Variants in ANKS1B observed in about 807,000 individuals in gnomAD.
ANKS1B encodes the protein ankyrin repeat and sterile alpha motif domain-containing protein 1B.
A neutral mutation model predicts 148.3 loss-of-function variants in ANKS1B; 36 were observed. The ratio of observed to expected loss-of-function variants is 0.24; its 90% CI spans 0.19 to 0.32. The LOEUF (loss-of-function observed/expected upper bound fraction) is 0.32, where lower values mean the gene tolerates loss of function less well. ANKS1B is among the 10% of genes least tolerant of loss of function. The pLI is 1.00. For synonymous variants in ANKS1B, 542 were observed against 560.8 expected (o/e 0.97, Z 0.47); for missense variants, 1,157 against 1,542.6 (o/e 0.75, Z 4.19).
At chr12:99,425,536 A>T (rs865849542) in intron 11 of ANKS1B, among the ~76,000 whole-genome samples, 1 of 152,102 alleles carries the variant, frequency 6.6e-6, no homozygotes, top group African/African-American at 2.4e-5. Flanking sequence ...CCATTGTTCT[A>T]CAAGACTATC....
intron 14 of ANKS1B, among the ~76,000 whole-genome samples, chr12:99,173,959 G>A (rs894319607): frequency 4.6e-5 from 7 of 152,112 alleles, no homozygotes; most frequent in African/African-American, 1.7e-4. Flanking sequence ...AAGGCTTTGT[G>A]CAAGTCCCTC....
rs180706104 is a variant in ANKS1B at position 99,825,201 on chromosome 12, T to C, written c.215+108A>G. The C allele has an allele frequency of 6.7e-4, 603 of 897,746 alleles. 3 individuals carry two copies. Among genetic ancestry groups the C allele is most frequent in the African/African-American group, 4.9e-3 (297 of 60,138 alleles). 55.6% of individuals were successfully genotyped at this position (897,746 alleles called of 1,614,324 possible). A position where few individuals can be genotyped will look rare whatever the true frequency, so the allele number is the denominator to read the frequency against. ...CACCTGGTCCCTTTCCAAATTCACCTAAGCCCATTGGACTCACAGAGACAT... is the reference window on the plus strand; with the variant it reads ...CACCTGGTCCCTTTCCAAATTCACCCAAGCCCATTGGACTCACAGAGACAT... On this transcript the variant is annotated intron_variant, in intron 2 of 26. Coordinates refer to ENST00000683438, the MANE Select transcript of ANKS1B (RefSeq NM_001352186.2).
At chr12:99,685,949 G>C (rs1044634346) in intron 8 of ANKS1B, among the ~76,000 whole-genome samples, 1 of 151,992 alleles carries the variant, frequency 6.6e-6, no homozygotes, top group Non-Finnish European at 1.5e-5. Flanking sequence ...AAAGGCATAA[G>C]AATGATACAA....
chr12:99,685,747 CAT>C (rs149096040), intron 8 of ANKS1B, among the ~76,000 whole-genome samples: 16 of 150,472 alleles, frequency 1.1e-4, no homozygotes, highest in Admixed American at 3.3e-4. Flanking sequence ...TGTGTGTATA[CAT>C]ATATATATAT....
intron 12 of ANKS1B, among the ~76,000 whole-genome samples, chr12:99,261,311 C>G (rs561266010): frequency 6.6e-6 from 1 of 152,142 alleles, no homozygotes; most frequent in Non-Finnish European, 1.5e-5. Flanking sequence ...TCCCAAGGTA[C>G]CACACTCTTC....
chr12:99,022,339 A>G (rs2099946278), intron 17 of ANKS1B, among the ~76,000 whole-genome samples: 1 of 152,220 alleles, frequency 6.6e-6, no homozygotes, highest in South Asian at 2.1e-4. Context: ...AAGGCTGCAC[A>G]ACAGAGAACT....
In ANKS1B at chr12:99,154,438, C is replaced by T. The variant is rs371413659; in HGVS notation, c.2420-43G>A. On this transcript the variant is annotated intron_variant, in intron 14 of 26. Transcript: ENST00000683438. ...GGGAAGCGTTTAAGCAGGGAGTAGCCGTCCACGGGGTAATAGCGGTAGTCC... is the reference window on the plus strand; with the variant it reads ...GGGAAGCGTTTAAGCAGGGAGTAGCTGTCCACGGGGTAATAGCGGTAGTCC... 4.0e-4 allele frequency: 646 copies of T among 1,613,476 alleles called. 1 individual carries two copies. The highest frequency in any genetic ancestry group is 5.3e-4 in the Non-Finnish European group (621 of 1,179,728).
At chr12:99,701,576 A>T (rs1227989542) in intron 8 of ANKS1B, among the ~76,000 whole-genome samples, 1 of 152,138 alleles carries the variant, frequency 6.6e-6, no homozygotes, top group East Asian at 1.9e-4. Context: ...ACAAATGTAC[A>T]ACATATTATT....
intron 9 of ANKS1B, among the ~76,000 whole-genome samples, chr12:98,736,693 T>A (rs1226729130): frequency 6.6e-6 from 1 of 152,126 alleles, no homozygotes; most frequent in Non-Finnish European, 1.5e-5. Flanking sequence ...TCCAGGGCAG[T>A]CTGGAGATCA....
intron 12 of ANKS1B, among the ~76,000 whole-genome samples, chr12:99,269,672 C>T (rs2076826782): frequency 6.6e-6 from 1 of 152,184 alleles, no homozygotes; most frequent in South Asian, 2.1e-4. Context: ...CATTCTCCTG[C>T]CTCAGCCTCC....
intron 8 of ANKS1B, among the ~76,000 whole-genome samples, chr12:99,705,602 C>A (rs953240732): frequency 1.2e-4 from 18 of 151,990 alleles, no homozygotes; most frequent in African/African-American, 4.1e-4. Flanking sequence ...GTCTATGAAG[C>A]AAGAGTGAGG....
intron 12 of ANKS1B, among the ~76,000 whole-genome samples, chr12:99,317,000 G>A (rs1369370590): frequency 6.6e-6 from 1 of 152,144 alleles, no homozygotes; most frequent in African/African-American, 2.4e-5. Flanking sequence ...TGTTATTTCT[G>A]AGGACTCTGC....
At chr12:99,376,695 G>A (rs936834529) in intron 12 of ANKS1B, among the ~76,000 whole-genome samples, 2 of 152,102 alleles carry the variant, frequency 1.3e-5, no homozygotes, top group Non-Finnish European at 1.5e-5. Flanking sequence ...GATTAAAACT[G>A]CTTTAACACT....
At chr12:99,147,845 G>T (rs2073678084) in intron 15 of ANKS1B, among the ~76,000 whole-genome samples, 1 of 152,096 alleles carries the variant, frequency 6.6e-6, no homozygotes, top group South Asian at 2.1e-4. Context: ...CAAACGGGGA[G>T]TAAATAACAA....
intron 16 of ANKS1B, among the ~76,000 whole-genome samples, chr12:99,070,669 T>A (rs1450262042): frequency 6.6e-6 from 1 of 152,230 alleles, no homozygotes; most frequent in African/African-American, 2.4e-5. Flanking sequence ...CTTTTTTAAC[T>A]TTGATCTATG....
intron 1 of ANKS1B, among the ~76,000 whole-genome samples, chr12:99,906,657 C>T (rs537344949): frequency 1.3e-5 from 2 of 152,238 alleles, no homozygotes; most frequent in African/African-American, 4.8e-5. Context: ...TAATAATATC[C>T]GTATAATTAT....
intron 8 of ANKS1B, among the ~76,000 whole-genome samples, chr12:99,664,791 T>C (rs1169464735): frequency 1.3e-5 from 2 of 152,202 alleles, no homozygotes; most frequent in African/African-American, 4.8e-5. Context: ...ATAAGTTTTC[T>C]GTAAAGCTTA....
chr12:98,945,505 C>CAAAAAAAAAAAAA (rs3051086), intron 17 of ANKS1B, among the ~76,000 whole-genome samples: 46 of 30,246 alleles, frequency 1.5e-3, no homozygotes, highest in African/African-American at 2.5e-3. Context: ...AACAAACAAA[C>CAAAAAAAAAAAAA]AAAAAAAAAA....
At position 98,751,620 on chromosome 12, in the gene ANKS1B, C is replaced by G. The variant is rs939769035; in HGVS notation, c.3580-98G>C. ...CTGAGGGAGGTGAACTAGGGAGGAA[C>G]TTGAACTACTTCACCAGAGGCAGCA... On this transcript the variant is annotated intron_variant, in intron 25 of 26. Coordinates refer to ENST00000683438, the MANE Select transcript of ANKS1B (RefSeq NM_001352186.2). This position sits in a 1 kb window ranked among gnomAD's most constrained non-coding sequence, Gnocchi z 4.3. The G allele has an allele frequency of 5.2e-5, 58 of 1,120,858 alleles. No homozygotes were observed. Among genetic ancestry groups the G allele is most frequent in the South Asian group, 1.3e-4 (9 of 69,212 alleles). 69.4% of individuals were successfully genotyped at this position (1,120,858 alleles called of 1,614,324 possible).
Sources: gnomAD v4.1 joint callset for allele counts (sites outside exome capture counted in the v4.1 genomes callset) on GRCh38, gnomAD v4.1.1 for gene constraint, Gnocchi (gnomAD v3.1) non-coding constraint, MANE v1.5 for transcripts, NCBI Gene and HGNC (gene_info 2026-07-23, HGNC 2026-07-21) for gene names.